The following PHKB variants were observed in gnomAD, a reference collection of about 807,000 sequenced individuals.
PHKB encodes phosphorylase b kinase regulatory subunit beta.
A neutral mutation model predicts 152.1 loss-of-function variants in PHKB; 122 were observed. The ratio of observed to expected loss-of-function variants is 0.80; its 90% CI spans 0.69 to 0.93. The LOEUF is 0.93. Among genes scored for constraint, PHKB ranks in the 40% least tolerant of loss-of-function variants. The probability of loss-of-function intolerance (pLI) is 0.00; values close to 1 mark genes in which losing one functional copy is unlikely to be tolerated. For synonymous variants in PHKB, 436 were observed against 464.9 expected, an observed-to-expected ratio of 0.94 and a Z score of 0.80; for missense variants, 1,304 against 1,328.4, an observed-to-expected ratio of 0.98 and a Z score of 0.29.
At chr16:47,664,070 A>G (rs1346666043) in intron 24 of PHKB, 3 of 299,810 alleles carry the variant, frequency 1.0e-5, no homozygotes, top group Non-Finnish European at 1.9e-5. Flanking sequence ...CTGCTATTAT[A>G]GAAGGCCATG....
At chr16:47,625,253 A>C (rs1597132754) in intron 14 of PHKB, among the ~76,000 whole-genome samples, 1 of 152,350 alleles carries the variant, frequency 6.6e-6, no homozygotes, top group Non-Finnish European at 1.5e-5. Context: ...ATATGTATGT[A>C]AAGTGTTTAG....
At chr16:47,653,612 T>C (rs939297330) in intron 20 of PHKB, among the ~76,000 whole-genome samples, 9 of 152,310 alleles carry the variant, frequency 5.9e-5, no homozygotes, top group African/African-American at 1.7e-4. Context: ...GTCTTGGTCA[T>C]ATTAACCAGA....
At chr16:47,526,389 G>A (rs545909059) in intron 6 of PHKB, among the ~76,000 whole-genome samples, 38 of 151,570 alleles carry the variant, frequency 2.5e-4, no homozygotes, top group Non-Finnish European at 5.2e-4. Flanking sequence ...CAGCCCGGGC[G>A]ACAGAGTGAG....
In PHKB at chr16:47,700,348, C is replaced by CAAAAAAAA. The variant is rs11299370; in HGVS notation, c.*993_*1000dup. The stretch of plus-strand genomic sequence containing the variant: ...TGGGTGACAGAGCGAGACTCCATCT[C>CAAAAAAAA]AAAAAAAAAAAAAAAAAAGAAAAAG... On this transcript the variant is annotated 3_prime_UTR_variant, in exon 31 of 31. Transcript: ENST00000323584. The CAAAAAAAA allele has an allele frequency of 4.7e-5, 3 of 63,530 alleles. No homozygotes were observed. The highest frequency in any genetic ancestry group is 6.3e-4 in the East Asian group (1 of 1,596). The allele number at this position is 63,530 out of a possible 1,614,324, so 3.9% of individuals were successfully genotyped here. A position where few individuals can be genotyped will look rare whatever the true frequency, so the allele number is the denominator to read the frequency against.
At chr16:47,599,909 A>G (rs1268041164) in intron 13 of PHKB, among the ~76,000 whole-genome samples, 1 of 152,230 alleles carries the variant, frequency 6.6e-6, no homozygotes, top group East Asian at 1.9e-4. Context: ...CCTAAGAACC[A>G]TCAGACTTCT....
chr16:47,630,732 T>C (rs1251241351), intron 14 of PHKB, among the ~76,000 whole-genome samples: 1 of 152,232 alleles, frequency 6.6e-6, no homozygotes, highest in Non-Finnish European at 1.5e-5. Flanking sequence ...ACAGTGTTTC[T>C]GGATGAAATT....
At chr16:47,659,517 C>A (rs1973399960) in intron 20 of PHKB, among the ~76,000 whole-genome samples, 1 of 152,112 alleles carries the variant, frequency 6.6e-6, no homozygotes, top group Non-Finnish European at 1.5e-5. Flanking sequence ...ATGCTAAAAA[C>A]CATTGTAGGT....
At chr16:47,567,870 G>A (rs1322898461) in intron 7 of PHKB, among the ~76,000 whole-genome samples, 2 of 152,124 alleles carry the variant, frequency 1.3e-5, no homozygotes, top group African/African-American at 4.8e-5. Context: ...AACCATCCTT[G>A]TATCCCTGGG....
intron 1 of PHKB, among the ~76,000 whole-genome samples, chr16:47,496,317 G>T (rs972146123): frequency 1.5e-4 from 23 of 150,562 alleles, no homozygotes; most frequent in Non-Finnish European, 5.9e-5. Flanking sequence ...TGAGACTGTT[G>T]CCTGAATGTA....
At chr16:47,489,183 C>A (rs1036330040) in intron 1 of PHKB, among the ~76,000 whole-genome samples, 5 of 152,306 alleles carry the variant, frequency 3.3e-5, no homozygotes, top group Non-Finnish European at 5.9e-5. Flanking sequence ...TCCCGAGTAT[C>A]TGGGACTACA....
At chr16:47,574,359 T>A (rs540024381) in intron 7 of PHKB, among the ~76,000 whole-genome samples, 1 of 152,318 alleles carries the variant, frequency 6.6e-6, no homozygotes, top group East Asian at 1.9e-4. Context: ...GGAGACATAT[T>A]TTCACCTGAC....
chr16:47,686,367 A>C (rs531460711), intron 26 of PHKB, among the ~76,000 whole-genome samples: 10 of 152,360 alleles, frequency 6.6e-5, no homozygotes, highest in African/African-American at 2.2e-4. Context: ...TGACTGTGAC[A>C]CTTGCTTAAG....
chr16:47,626,978 G>A (rs892579583), intron 14 of PHKB, among the ~76,000 whole-genome samples: 6 of 152,054 alleles, frequency 3.9e-5, no homozygotes, highest in South Asian at 2.1e-4. Context: ...AAAACACATC[G>A]GTTTACTGGA....
At chr16:47,563,096 T>C (rs1971503476) in intron 7 of PHKB, among the ~76,000 whole-genome samples, 1 of 152,024 alleles carries the variant, frequency 6.6e-6, no homozygotes, top group Admixed American at 6.6e-5. Flanking sequence ...TTCCACCACA[T>C]CTGCTCACTC....
At chr16:47,600,739 T>C (rs990512633) in intron 13 of PHKB, among the ~76,000 whole-genome samples, 4 of 152,258 alleles carry the variant, frequency 2.6e-5, no homozygotes, top group Non-Finnish European at 5.9e-5. Flanking sequence ...GTACCTAACA[T>C]ATTTAAACAT....
intron 1 of PHKB, among the ~76,000 whole-genome samples, chr16:47,481,680 G>A (rs987737340): frequency 6.6e-6 from 1 of 152,160 alleles, no homozygotes; most frequent in Non-Finnish European, 1.5e-5. Context: ...AAGACAATTC[G>A]TATTTAATAT....
rs936144876 is a variant in PHKB, at chr16:47,689,326, C to G, written c.2765+151C>G. On this transcript the variant is annotated intron_variant, in intron 27 of 30. Coordinates refer to ENST00000323584, the MANE Select transcript of PHKB (RefSeq NM_000293.3). ...CACCCCACTAGATGGAAAGTGTAAA[C>G]AGAAAGACCAATCAAAATGTCTGTC... is the stretch of plus-strand genomic sequence containing the variant. The G allele has an allele frequency of 8.4e-6, 6 of 717,814 alleles. No individual in the cohort carries two copies. The African/African-American group carries it at 1.1e-4, about 13-fold the overall frequency. The allele number at this position is 717,814 out of a possible 1,614,324, so 44.5% of individuals were successfully genotyped here. A position where few individuals can be genotyped will look rare whatever the true frequency, so the allele number is the denominator to read the frequency against.
intron 7 of PHKB, chr16:47,566,260 G>A (rs780046479): frequency 9.5e-5 from 82 of 864,670 alleles, no homozygotes; most frequent in Non-Finnish European, 1.6e-4. Flanking sequence ...CCTCTTCTAG[G>A]TGAGTAGTCA....
rs186685750 is a variant in PHKB at position 47,522,749 on chromosome 16, T to A, written c.594+7148T>A. Among the ~76,000 whole-genome samples, 3 of 152,034 alleles carry A rather than the reference T, an allele frequency of 2.0e-5. No homozygotes were observed. In the East Asian group the frequency reaches 5.8e-4, roughly 29 times the overall value. ...ATTCTGTGGTTTTTTTATTCATTCATCTCAATGTGTTTTTTGATTTCTCTC... is the reference window on the plus strand; with the variant it reads ...ATTCTGTGGTTTTTTTATTCATTCAACTCAATGTGTTTTTTGATTTCTCTC... On this transcript the variant is annotated intron_variant, in intron 6 of 30. Coordinates refer to ENST00000323584, the MANE Select transcript of PHKB (RefSeq NM_000293.3).
Sources: allele counts gnomAD v4.1 joint callset (sites outside exome capture counted in the v4.1 genomes callset), GRCh38; gene constraint gnomAD v4.1.1; transcripts MANE v1.5; gene names NCBI Gene and HGNC (gene_info 2026-07-23, HGNC 2026-07-21).